MACROD2: variants seen among roughly 807,000 people sequenced by gnomAD.
The protein encoded by MACROD2 is mono-ADP ribosylhydrolase 2.
MACROD2 carries 36 observed loss-of-function variants against 70.4 expected under a neutral mutation model. That is an observed-to-expected ratio of 0.51 (90% confidence interval 0.39 to 0.68). The LOEUF is 0.68. Ranked by LOEUF, MACROD2 falls within the 30% of genes least tolerant of loss-of-function variation. MACROD2 has a pLI of 0.00. For synonymous variants in MACROD2, 172 were observed against 178.8 expected, an observed-to-expected ratio of 0.96 and a Z score of 0.30; for missense variants, 496 against 538.4, an observed-to-expected ratio of 0.92 and a Z score of 0.78.
At chr20:15,999,781 A>G (rs2066683990) in intron 15 of MACROD2, among the ~76,000 whole-genome samples, 2 of 152,226 alleles carry the variant, frequency 1.3e-5, no homozygotes, top group African/African-American at 4.8e-5. Flanking sequence ...TAGTGTAAGT[A>G]TAGCCACCTT....
At position 15,240,510 on chromosome 20, in the gene MACROD2, C is replaced by T. The variant is rs531933970; in HGVS notation, c.540+10449C>T. On this transcript the variant is annotated intron_variant, in intron 6 of 17. Transcript: ENST00000684519. ...TTTGAGCCCACGAGTTAGTTATGAT[C>T]GCACCACTGCACTACAGCCTCAGTG... 2.6e-5 allele frequency among the ~76,000 whole-genome samples: 4 copies of T among 152,150 alleles called. No homozygotes were observed. The East Asian group carries it at 5.8e-4, about 22-fold the overall frequency.
At chr20:15,629,809 A>G (rs1410742446) in intron 8 of MACROD2, among the ~76,000 whole-genome samples, 2 of 152,252 alleles carry the variant, frequency 1.3e-5, no homozygotes, top group Non-Finnish European at 2.9e-5. Context: ...TGAAAGAGAA[A>G]ATGATCTGTA....
At chr20:14,069,343 G>A (rs1377971212) in intron 2 of MACROD2, among the ~76,000 whole-genome samples, 1 of 151,900 alleles carries the variant, frequency 6.6e-6, no homozygotes, top group African/African-American at 2.4e-5. Flanking sequence ...CCTGTAAAAC[G>A]GAGATCTGAA....
At chr20:16,029,647 G>C (rs2067126653) in intron 15 of MACROD2, among the ~76,000 whole-genome samples, 1 of 152,086 alleles carries the variant, frequency 6.6e-6, no homozygotes, top group East Asian at 1.9e-4. Flanking sequence ...AAATCATCCT[G>C]AATAAGATCA....
intron 5 of MACROD2, among the ~76,000 whole-genome samples, chr20:14,787,891 G>A (rs915811026): frequency 4.6e-5 from 7 of 152,042 alleles, no homozygotes; most frequent in Non-Finnish European, 1.0e-4. Context: ...CCACAGGATT[G>A]GAAGCACTTG....
At chr20:14,894,801 G>A (rs1441558261) in intron 5 of MACROD2, 1 of 152,086 alleles carries the variant, frequency 6.6e-6, no homozygotes, top group Non-Finnish European at 1.5e-5. Flanking sequence ...TGTGTGTGAT[G>A]TTTACTGATA....
At chr20:14,493,046 T>A (rs1251431939) in intron 3 of MACROD2, among the ~76,000 whole-genome samples, 1 of 152,106 alleles carries the variant, frequency 6.6e-6, no homozygotes, top group African/African-American at 2.4e-5. Context: ...TGTTTTGTGA[T>A]AGCTTTGTTT....
intron 8 of MACROD2, among the ~76,000 whole-genome samples, chr20:15,858,361 C>CT (rs2064382198): frequency 2.0e-5 from 3 of 152,110 alleles, no homozygotes; most frequent in African/African-American, 7.2e-5. Flanking sequence ...TTATCTGGGG[C>CT]TAGTATGGGG....
chr20:14,666,623 C>A (rs1159934977), intron 4 of MACROD2, among the ~76,000 whole-genome samples: 1 of 152,024 alleles, frequency 6.6e-6, no homozygotes, highest in Non-Finnish European at 1.5e-5. Context: ...AGTGACACAG[C>A]TAAGTCCAAA....
intron 8 of MACROD2, among the ~76,000 whole-genome samples, chr20:15,529,649 A>G (rs2047769874): frequency 6.6e-6 from 1 of 152,206 alleles, no homozygotes; most frequent in Non-Finnish European, 1.5e-5. Flanking sequence ...CTTAAAGTAT[A>G]TCTTTAAACT....
intron 5 of MACROD2, among the ~76,000 whole-genome samples, chr20:15,081,765 T>C (rs1277164634): frequency 6.6e-6 from 1 of 152,184 alleles, no homozygotes; most frequent in Non-Finnish European, 1.5e-5. Flanking sequence ...AATGGCACAT[T>C]CCAAAACTCT....
chr20:14,573,056 C>CT (rs11482403), intron 4 of MACROD2, among the ~76,000 whole-genome samples: 96,853 of 150,714 alleles, frequency 0.64, 32,630 homozygotes, highest in East Asian at 0.93. Context: ...ATGAAATAGC[C>CT]TTTTTTTTCC....
chr20:14,942,940 G>C (rs2122711959), intron 5 of MACROD2, among the ~76,000 whole-genome samples: 1 of 152,242 alleles, frequency 6.6e-6, no homozygotes, highest in Admixed American at 6.5e-5. Context: ...TTCCAGTGTG[G>C]GAGATTTCTA....
At chr20:14,353,035 T>C (rs1355281488) in intron 3 of MACROD2, among the ~76,000 whole-genome samples, 1 of 152,170 alleles carries the variant, frequency 6.6e-6, no homozygotes, top group African/African-American at 2.4e-5. Context: ...ATTTGTTTAA[T>C]TAAAATTAGC....
intron 5 of MACROD2, among the ~76,000 whole-genome samples, chr20:15,063,675 A>G (rs780197569): frequency 3.3e-5 from 5 of 152,186 alleles, no homozygotes; most frequent in African/African-American, 4.8e-5. Context: ...TTAGCCAGCC[A>G]CACATATTGT....
intron 5 of MACROD2, among the ~76,000 whole-genome samples, chr20:14,688,408 A>C (rs2071026689): frequency 6.6e-6 from 1 of 152,020 alleles, no homozygotes; most frequent in Non-Finnish European, 1.5e-5. Flanking sequence ...GTGTTCTGTG[A>C]CTCATCATAA....
intron 5 of MACROD2, among the ~76,000 whole-genome samples, chr20:14,705,883 CCTTCTCTTCCTCTCTCTCTTTTT>C (rs777229160): frequency 8.6e-4 from 131 of 151,988 alleles, no homozygotes; most frequent in Admixed American, 3.9e-3. Context: ...GATTTTCTTT[CCTTCTCTTCCTCTCTCTCTTTTT>C]CTTCTCTTCC....
chr20:14,007,391 TCTCTTCCTCC>T (rs927764295), intron 2 of MACROD2, among the ~76,000 whole-genome samples: 5 of 152,130 alleles, frequency 3.3e-5, no homozygotes, highest in African/African-American at 9.7e-5. Context: ...CTCTTCTCTG[TCTCTTCCTCC>T]CTCTTCCTCC....
At chr20:14,333,687 A>C (rs550377684) in intron 3 of MACROD2, among the ~76,000 whole-genome samples, 1 of 152,226 alleles carries the variant, frequency 6.6e-6, no homozygotes, top group Admixed American at 6.5e-5. Flanking sequence ...TTAAGTTTCC[A>C]TACAGTAGTT....
Sources: gnomAD v4.1 joint callset for allele counts (sites outside exome capture counted in the v4.1 genomes callset) on GRCh38, gnomAD v4.1.1 for gene constraint, MANE v1.5 for transcripts, NCBI Gene and HGNC (gene_info 2026-07-23, HGNC 2026-07-21) for gene names.